Variants in DACH2 observed in about 807,000 individuals in gnomAD.
DACH2 encodes the protein dachshund family transcription factor 2, also known as dachshund homolog 2.
A neutral mutation model predicts 35.8 loss-of-function variants in DACH2; 17 were observed. The observed-to-expected ratio is 0.48, with a 90% CI of 0.33 to 0.71. The LOEUF (loss-of-function observed/expected upper bound fraction) is 0.71, where lower values mean the gene tolerates loss of function less well. Ranked by LOEUF, DACH2 falls within the 30% of genes least tolerant of loss-of-function variation. The probability of loss-of-function intolerance (pLI) is 0.02; values close to 1 mark genes in which losing one functional copy is unlikely to be tolerated. For missense variants in DACH2, 469 were observed against 472.7 expected, an observed-to-expected ratio of 0.99 and a Z score of 0.07; for synonymous variants, 195 against 177.3, an observed-to-expected ratio of 1.10 and a Z score of -0.79.
intron 6 of DACH2, among the ~76,000 whole-genome samples, chrX:86,737,503 G>A (rs900123245): frequency 3.6e-5 from 4 of 111,719 alleles, no homozygotes; most frequent in Non-Finnish European, 5.7e-5. Flanking sequence ...GAAATGCTAA[G>A]CAATAATGTC....
At chrX:86,537,295 A>G (rs2038816553) in intron 3 of DACH2, among the ~76,000 whole-genome samples, 1 of 111,215 alleles carries the variant, frequency 9.0e-6, no homozygotes, top group African/African-American at 3.3e-5. Context: ...CCAAAGTCCC[A>G]AGCATGCCCC....
chrX:86,809,817 C>G (rs1041625955), intron 7 of DACH2, among the ~76,000 whole-genome samples: 15 of 111,035 alleles, frequency 1.4e-4, no homozygotes, highest in Middle Eastern at 4.6e-3. Flanking sequence ...TCGATGTGAC[C>G]TCTGCTACAC....
At chrX:86,283,605 A>G (rs1405497905) in intron 1 of DACH2, among the ~76,000 whole-genome samples, 2 of 109,791 alleles carry the variant, frequency 1.8e-5, no homozygotes, top group African/African-American at 6.7e-5. Context: ...GGAAACTATC[A>G]TTCTCAGCAA....
chrX:86,787,618 CA>C (rs5902916), intron 7 of DACH2, among the ~76,000 whole-genome samples: 12,441 of 71,915 alleles, frequency 0.17, 727 homozygotes, highest in East Asian at 0.47. Context: ...AACTCAGTCT[CA>C]AAAAAAAAAA....
intron 3 of DACH2, among the ~76,000 whole-genome samples, chrX:86,607,161 T>C (rs1035345721): frequency 2.7e-5 from 3 of 111,672 alleles, no homozygotes; most frequent in African/African-American, 6.5e-5. Flanking sequence ...CTTTTGATTA[T>C]ACTGTTTAGT....
intron 1 of DACH2, among the ~76,000 whole-genome samples, chrX:86,271,891 T>C (rs1017501251): frequency 9.0e-6 from 1 of 111,173 alleles, no homozygotes; most frequent in Non-Finnish European, 1.9e-5. Flanking sequence ...ATGCATAGAT[T>C]GTGTAGTGGT....
chrX:86,313,218 G>A (rs184415383), intron 1 of DACH2, among the ~76,000 whole-genome samples: 152 of 111,038 alleles, frequency 1.4e-3, no homozygotes, highest in Non-Finnish European at 1.0e-3. Context: ...TATAGATCTA[G>A]TTCTAAAAAA....
At chrX:86,364,209 G>A (rs1055405518) in intron 1 of DACH2, among the ~76,000 whole-genome samples, 4 of 111,528 alleles carry the variant, frequency 3.6e-5, no homozygotes, top group Admixed American at 9.6e-5. Context: ...ATAAGGGCAT[G>A]CTATTTGTGA....
chrX:86,293,925 T>C (rs940802696), intron 1 of DACH2, among the ~76,000 whole-genome samples: 2 of 110,802 alleles, frequency 1.8e-5, no homozygotes, highest in Admixed American at 1.9e-4. Context: ...TCTCGAGGAG[T>C]ATCTTTGTGG....
intron 1 of DACH2, among the ~76,000 whole-genome samples, chrX:86,155,339 A>T (rs1050478968): frequency 4.5e-5 from 5 of 110,403 alleles, no homozygotes; most frequent in Middle Eastern, 4.7e-3. Flanking sequence ...ATCCCAGGAA[A>T]ATTTATTTCA....
chrX:86,465,423 T>C (rs1252839765), intron 2 of DACH2, among the ~76,000 whole-genome samples: 1 of 111,910 alleles, frequency 8.9e-6, no homozygotes, highest in Non-Finnish European at 1.9e-5. Context: ...TCCTAAGTAG[T>C]GGAGCTCACA....
chrX:86,671,168 AT>A (rs748625177), intron 4 of DACH2, among the ~76,000 whole-genome samples: 1 of 112,121 alleles, frequency 8.9e-6, no homozygotes, highest in Non-Finnish European at 1.9e-5. Flanking sequence ...AAATACCATT[AT>A]TTTTTAGCAC....
At chrX:86,431,162 G>A (rs1236970301) in intron 2 of DACH2, among the ~76,000 whole-genome samples, 1 of 111,485 alleles carries the variant, frequency 9.0e-6, no homozygotes, top group Non-Finnish European at 1.9e-5. Flanking sequence ...GAGAGACCAG[G>A]AGCTGCAAAA....
At chrX:86,532,485 T>G (rs2038736509) in intron 3 of DACH2, among the ~76,000 whole-genome samples, 1 of 109,464 alleles carries the variant, frequency 9.1e-6, no homozygotes, top group African/African-American at 3.3e-5. Context: ...AGTATAGCTC[T>G]CTCTCTCTCT....
intron 3 of DACH2, among the ~76,000 whole-genome samples, chrX:86,628,385 T>A (rs1004670342): frequency 6.2e-5 from 7 of 112,091 alleles, no homozygotes; most frequent in African/African-American, 2.3e-4. Context: ...CAGATAGGCA[T>A]ACAGGTAGCT....
At chrX:86,676,092 A>G (rs1001152246) in intron 4 of DACH2, among the ~76,000 whole-genome samples, 1 of 111,750 alleles carries the variant, frequency 8.9e-6, no homozygotes, top group Non-Finnish European at 1.9e-5. Flanking sequence ...GTAGCATATT[A>G]TTTCTTTGAT....
intron 3 of DACH2, among the ~76,000 whole-genome samples, chrX:86,555,151 A>G (rs950569555): frequency 8.9e-6 from 1 of 111,840 alleles, no homozygotes; most frequent in African/African-American, 3.2e-5. Context: ...CAGGTTCCTC[A>G]TGCTATAGCA....
chrX:86,604,908 G>C (rs1438578288), intron 3 of DACH2, among the ~76,000 whole-genome samples: 1 of 111,744 alleles, frequency 8.9e-6, no homozygotes, highest in Non-Finnish European at 1.9e-5. Context: ...TGAGGACTCA[G>C]AAAAAGCCTT....
At chrX:86,618,208 T>C (rs2040029088) in intron 3 of DACH2, among the ~76,000 whole-genome samples, 1 of 111,864 alleles carries the variant, frequency 8.9e-6, no homozygotes, top group Admixed American at 9.5e-5. Flanking sequence ...GAGGCTGCAG[T>C]GAGTTATGAT....
Sources: gnomAD v4.1 joint callset for allele counts (sites outside exome capture counted in the v4.1 genomes callset) on GRCh38, gnomAD v4.1.1 for gene constraint, MANE v1.5 for transcripts, NCBI Gene and HGNC (gene_info 2026-07-23, HGNC 2026-07-21) for gene names.